The following GRIK2 variants were observed in gnomAD, a reference collection of about 807,000 sequenced individuals.
GRIK2 encodes glutamate receptor ionotropic, kainate 2.
GRIK2 carries 32 observed loss-of-function variants against 100.3 expected under a neutral mutation model. The observed-to-expected ratio is 0.32, with a 90% CI of 0.24 to 0.43. The LOEUF (loss-of-function observed/expected upper bound fraction) is 0.43, where lower values mean the gene tolerates loss of function less well. GRIK2 is among the 20% of genes least tolerant of loss of function. GRIK2 has a pLI of 1.00. For synonymous variants in GRIK2, 417 were observed against 389.4 expected (o/e 1.07, Z -0.83); for missense variants, 843 against 1,114.9 (o/e 0.76, Z 3.47).
chr6:101,599,239 A>G (rs770813542), intron 2 of GRIK2, among the ~76,000 whole-genome samples: 7 of 151,858 alleles, frequency 4.6e-5, no homozygotes, highest in Non-Finnish European at 8.8e-5. Flanking sequence ...GCTGCTGCAA[A>G]GGACACCATT....
intron 2 of GRIK2, among the ~76,000 whole-genome samples, chr6:101,579,819 CCAACCTGG>C (rs1777982104): frequency 6.6e-6 from 1 of 150,746 alleles, no homozygotes; most frequent in African/African-American, 2.4e-5. Flanking sequence ...CCACTGAACT[CCAACCTGG>C]CAACAGAGCG....
At chr6:102,016,650 A>G (rs897040407) in intron 14 of GRIK2, among the ~76,000 whole-genome samples, 7 of 152,002 alleles carry the variant, frequency 4.6e-5, no homozygotes, top group South Asian at 4.1e-4. Flanking sequence ...CTACAACTCA[A>G]TGGTGTCCCT....
chr6:101,774,941 T>G (rs990234464), intron 7 of GRIK2, among the ~76,000 whole-genome samples: 23 of 152,194 alleles, frequency 1.5e-4, no homozygotes, highest in African/African-American at 5.1e-4. Flanking sequence ...GTAGTCATTT[T>G]CTGAAGCTTT....
At chr6:101,404,399 A>G (rs1045777020) in intron 2 of GRIK2, among the ~76,000 whole-genome samples, 4 of 152,254 alleles carry the variant, frequency 2.6e-5, no homozygotes, top group African/African-American at 7.2e-5. Context: ...CCATTTAGTT[A>G]TCATAATTTC....
At chr6:101,995,662 T>C (rs1006204792) in intron 14 of GRIK2, among the ~76,000 whole-genome samples, 1 of 151,958 alleles carries the variant, frequency 6.6e-6, no homozygotes, top group African/African-American at 2.4e-5. Context: ...ATTTCAATCC[T>C]AGAGTATGTA....
chr6:101,540,055 G>A (rs975980429), intron 2 of GRIK2, among the ~76,000 whole-genome samples: 2 of 151,386 alleles, frequency 1.3e-5, no homozygotes, highest in African/African-American at 2.4e-5. Flanking sequence ...TGCCATGAAA[G>A]GTCAGCACTT....
intron 7 of GRIK2, among the ~76,000 whole-genome samples, chr6:101,689,719 CAT>C (rs1361176418): frequency 6.6e-6 from 1 of 152,102 alleles, no homozygotes; most frequent in African/African-American, 2.4e-5. Flanking sequence ...TTCTTTTACA[CAT>C]GAGGGTTTTC....
chr6:101,812,892 A>G (rs1781421645), intron 9 of GRIK2, among the ~76,000 whole-genome samples: 1 of 152,094 alleles, frequency 6.6e-6, no homozygotes, highest in African/African-American at 2.4e-5. Flanking sequence ...GAGAACTACA[A>G]GATGCAACAA....
At chr6:101,992,961 G>A (rs1794451270) in intron 14 of GRIK2, among the ~76,000 whole-genome samples, 1 of 151,438 alleles carries the variant, frequency 6.6e-6, no homozygotes, top group Non-Finnish European at 1.5e-5. Flanking sequence ...GCATATGTGT[G>A]CACATATAAT....
intron 2 of GRIK2, among the ~76,000 whole-genome samples, chr6:101,462,716 G>A (rs1313791904): frequency 6.6e-6 from 1 of 152,170 alleles, no homozygotes; most frequent in African/African-American, 2.4e-5. Context: ...AGAAATGAGA[G>A]ATGGTGTGCA....
intron 7 of GRIK2, among the ~76,000 whole-genome samples, chr6:101,738,514 G>C (rs1474428325): frequency 6.6e-6 from 1 of 152,072 alleles, no homozygotes; most frequent in African/African-American, 2.4e-5. Flanking sequence ...GTTCCCACCT[G>C]CCCTATCTTC....
chr6:101,429,536 A>G (rs1282979917), intron 2 of GRIK2, among the ~76,000 whole-genome samples: 1 of 152,190 alleles, frequency 6.6e-6, no homozygotes, highest in Non-Finnish European at 1.5e-5. Context: ...GAGCCTAAAA[A>G]GAAAGTGCTA....
chr6:101,899,968 C>G (rs1449795723), intron 12 of GRIK2, among the ~76,000 whole-genome samples: 1 of 151,798 alleles, frequency 6.6e-6, no homozygotes, highest in Non-Finnish European at 1.5e-5. Context: ...TGGTAATAAT[C>G]TAGTGATTTT....
At position 101,523,720 on chromosome 6, in the gene GRIK2, C is replaced by CTT. The variant is rs1163558120; in HGVS notation, c.116-98211_116-98210dup. The stretch of plus-strand genomic sequence containing the variant: ...AAATAGAACATAATGACTCCTAAGT[C>CTT]TTTTTTTTTTTTTTTTTTTGATGGA... On this transcript the variant is annotated intron_variant, in intron 2 of 16. Transcript: ENST00000369134. Among the ~76,000 whole-genome samples the CTT allele has an allele frequency of 1.6e-3, 200 of 121,526 alleles. 1 individual carries two copies. Among genetic ancestry groups the CTT allele is most frequent in the Middle Eastern group, 5.0e-3 (1 of 202 alleles). 79.7% of individuals were successfully genotyped at this position (121,526 alleles called of 152,430 possible). A position where few individuals can be genotyped will look rare whatever the true frequency, so the allele number is the denominator to read the frequency against.
chr6:101,784,422 C>G (rs1779298426), intron 7 of GRIK2, among the ~76,000 whole-genome samples: 1 of 152,190 alleles, frequency 6.6e-6, no homozygotes, highest in Non-Finnish European at 1.5e-5. Flanking sequence ...AAGGGACTTG[C>G]CTTGTCTCAG....
At chr6:101,661,966 T>C (rs999882607) in intron 4 of GRIK2, among the ~76,000 whole-genome samples, 1 of 152,174 alleles carries the variant, frequency 6.6e-6, no homozygotes, top group Non-Finnish European at 1.5e-5. Context: ...GTTTATATCA[T>C]TCTTAATTTC....
At chr6:101,776,440 A>G (rs1778752543) in intron 7 of GRIK2, among the ~76,000 whole-genome samples, 1 of 152,208 alleles carries the variant, frequency 6.6e-6, no homozygotes, top group Non-Finnish European at 1.5e-5. Context: ...TTATGGTTAT[A>G]TTACAAAACC....
At chr6:101,700,126 A>C (rs1037020367) in intron 7 of GRIK2, among the ~76,000 whole-genome samples, 2 of 151,568 alleles carry the variant, frequency 1.3e-5, no homozygotes, top group African/African-American at 2.4e-5. Flanking sequence ...CTCCAGCCTC[A>C]GTGACAGAGA....
At chr6:101,793,534 C>T (rs1430182399) in intron 7 of GRIK2, among the ~76,000 whole-genome samples, 1 of 152,110 alleles carries the variant, frequency 6.6e-6, no homozygotes, top group East Asian at 1.9e-4. Context: ...TTTTCTTGTA[C>T]CGCGAATGCT....
Sources: allele counts gnomAD v4.1 joint callset (sites outside exome capture counted in the v4.1 genomes callset), GRCh38; gene constraint gnomAD v4.1.1; transcripts MANE v1.5; gene names NCBI Gene and HGNC (gene_info 2026-07-23, HGNC 2026-07-21).